The following CDKAL1 variants were observed in gnomAD, a reference collection of about 807,000 sequenced individuals.
The protein encoded by CDKAL1 is CDKAL1 threonylcarbamoyladenosine tRNA methylthiotransferase, also known as threonylcarbamoyladenosine tRNA methylthiotransferase.
In CDKAL1, 32 loss-of-function variants were observed where a neutral mutation model predicts 68.2. That is an observed-to-expected ratio of 0.47 (90% CI 0.35 to 0.63). The LOEUF is 0.63. Ranked by LOEUF, CDKAL1 falls within the 30% of genes least tolerant of loss-of-function variation. The probability of loss-of-function intolerance (pLI) is 0.00; values close to 1 mark genes in which losing one functional copy is unlikely to be tolerated. For synonymous variants in CDKAL1, 234 were observed against 244.3 expected (o/e 0.96, Z 0.39); for missense variants, 606 against 696.7 (o/e 0.87, Z 1.47).
At chr6:21,206,657 C>T (rs1261579950) in intron 15 of CDKAL1, among the ~76,000 whole-genome samples, 7 of 152,062 alleles carry the variant, frequency 4.6e-5, no homozygotes, top group African/African-American at 1.7e-4. Context: ...AGAGTAGCAT[C>T]GTGGAAGATT....
At chr6:20,908,492 C>G (rs1581807357) in intron 9 of CDKAL1, among the ~76,000 whole-genome samples, 1 of 152,088 alleles carries the variant, frequency 6.6e-6, no homozygotes, top group African/African-American at 2.4e-5. Context: ...GTACACTGGG[C>G]TAGACATCAC....
intron 10 of CDKAL1, among the ~76,000 whole-genome samples, chr6:20,957,797 C>T (rs372762651): frequency 1.3e-5 from 2 of 151,874 alleles, no homozygotes; most frequent in East Asian, 3.9e-4. Context: ...ATGGTGAAAC[C>T]CCGTCTCTAG....
chr6:20,901,663 A>AG (rs965602589), intron 9 of CDKAL1, among the ~76,000 whole-genome samples: 1 of 127,648 alleles, frequency 7.8e-6, no homozygotes, highest in Admixed American at 8.7e-5. Context: ...CCTGGGCAAG[A>AG]GTGCGAGACT....
intron 4 of CDKAL1, among the ~76,000 whole-genome samples, chr6:20,553,214 T>G (rs1041785846): frequency 5.9e-5 from 9 of 152,188 alleles, no homozygotes; most frequent in Non-Finnish European, 8.8e-5. Context: ...TTATTCTGTG[T>G]TAATACTTCA....
chr6:20,781,188 G>C lies in CDKAL1; in HGVS notation c.561G>C (p.Arg187Ser). 6.2e-7 allele frequency: 1 copy of C among 1,613,858 alleles called. No individual in the cohort carries two copies. Residue 187 changes from arginine to serine, a missense_variant, in exon 8 of 16, where the codon AGG becomes AGC. Transcript: ENST00000274695. ...TGGGTCAGAAAAAGGATAATGGAAGGCGGCTTGGGGGAGCACGATTGGATT... is the reference window on the plus strand; with the variant it reads ...TGGGTCAGAAAAAGGATAATGGAAGCCGGCTTGGGGGAGCACGATTGGATT... ...RLLGQKKDNG[R>S]RLGGARLDLP...
chr6:21,030,491 T>A (rs1769219227), intron 11 of CDKAL1, among the ~76,000 whole-genome samples: 1 of 151,990 alleles, frequency 6.6e-6, no homozygotes, highest in Non-Finnish European at 1.5e-5. Context: ...ACTTAAAATT[T>A]AAAAAAAATT....
chr6:20,739,902 T>C (rs1446864961), intron 6 of CDKAL1, among the ~76,000 whole-genome samples: 1 of 152,224 alleles, frequency 6.6e-6, no homozygotes, highest in Non-Finnish European at 1.5e-5. Context: ...TCTGTTACCA[T>C]CGCTTTCCAA....
At chr6:20,908,350 T>A (rs947591898) in intron 9 of CDKAL1, among the ~76,000 whole-genome samples, 12 of 152,228 alleles carry the variant, frequency 7.9e-5, no homozygotes, top group Non-Finnish European at 1.8e-4. Context: ...GGCCTAAATG[T>A]AATTACTTGA....
At chr6:21,062,804 T>A (rs776147815) in intron 11 of CDKAL1, among the ~76,000 whole-genome samples, 2 of 152,264 alleles carry the variant, frequency 1.3e-5, no homozygotes, top group Non-Finnish European at 2.9e-5. Context: ...TATAATAATT[T>A]GACTGTCCTC....
At chr6:20,842,165 A>G (rs114360109) in intron 8 of CDKAL1, among the ~76,000 whole-genome samples, 3,156 of 152,308 alleles carry the variant, frequency 0.021, 116 homozygotes, top group African/African-American at 0.071. Context: ...TGATTGGTCA[A>G]CATAATTCTT....
intron 4 of CDKAL1, among the ~76,000 whole-genome samples, chr6:20,555,943 G>A (rs1764024694): frequency 6.6e-6 from 1 of 151,810 alleles, no homozygotes; most frequent in South Asian, 2.1e-4. Context: ...TTTAAAATAT[G>A]TAACCCTTAT....
intron 5 of CDKAL1, among the ~76,000 whole-genome samples, chr6:20,663,636 G>T (rs1259444081): frequency 6.6e-6 from 1 of 152,016 alleles, no homozygotes; most frequent in East Asian, 1.9e-4. Context: ...TATATTTTCT[G>T]CTCTTAAGAC....
At chr6:20,819,349 G>A (rs1184429434) in intron 8 of CDKAL1, among the ~76,000 whole-genome samples, 2 of 152,092 alleles carry the variant, frequency 1.3e-5, no homozygotes, top group Admixed American at 1.3e-4. Context: ...TAATTAGAGT[G>A]TATTTTTTGA....
chr6:21,189,547 C>T (rs1177451096), intron 13 of CDKAL1, among the ~76,000 whole-genome samples: 1 of 152,078 alleles, frequency 6.6e-6, no homozygotes, highest in Non-Finnish European at 1.5e-5. Flanking sequence ...ACCAGTCTAG[C>T]GCTTTGAGAA....
intron 4 of CDKAL1, among the ~76,000 whole-genome samples, chr6:20,647,088 T>C (rs184545159): frequency 6.6e-6 from 1 of 152,372 alleles, no homozygotes; most frequent in East Asian, 1.9e-4. Context: ...GCTAGTTTTT[T>C]TTTATCATTA....
intron 12 of CDKAL1, among the ~76,000 whole-genome samples, chr6:21,073,751 C>T (rs1480292438): frequency 6.6e-6 from 1 of 152,084 alleles, no homozygotes; most frequent in East Asian, 1.9e-4. Context: ...GGTAACAATT[C>T]ATTATTAGAT....
At chr6:21,118,460 A>G (rs1313252406) in intron 13 of CDKAL1, among the ~76,000 whole-genome samples, 5 of 152,196 alleles carry the variant, frequency 3.3e-5, no homozygotes, top group Admixed American at 6.5e-5. Context: ...AACCTCCAAC[A>G]CAGATTCAGG....
At chr6:20,567,698 TTTAA>T (rs199823968) in intron 4 of CDKAL1, among the ~76,000 whole-genome samples, 22 of 151,962 alleles carry the variant, frequency 1.4e-4, no homozygotes, top group Middle Eastern at 3.4e-3. Flanking sequence ...GTCTCAGCTT[TTTAA>T]TTAATTAATT....
At chr6:21,225,851 G>A (rs1052277553) in intron 15 of CDKAL1, among the ~76,000 whole-genome samples, 3 of 152,154 alleles carry the variant, frequency 2.0e-5, no homozygotes, top group Admixed American at 1.3e-4. Context: ...GGACGTTTGC[G>A]TTTTTCATTA....
Sources: allele counts gnomAD v4.1 joint callset (sites outside exome capture counted in the v4.1 genomes callset), GRCh38; gene constraint gnomAD v4.1.1; transcripts MANE v1.5; gene names NCBI Gene and HGNC (gene_info 2026-07-23, HGNC 2026-07-21).